SGMS1: variants seen among roughly 807,000 people sequenced by gnomAD.
SGMS1 encodes the protein sphingomyelin synthase 1.
SGMS1 carries 13 observed loss-of-function variants against 46.2 expected under a neutral mutation model. The ratio of observed to expected loss-of-function variants is 0.28; its 90% CI spans 0.18 to 0.45. SGMS1 has a LOEUF of 0.45. SGMS1 is among the 20% of genes least tolerant of loss of function. SGMS1 has a pLI of 1.00. For missense variants in SGMS1, 324 were observed against 519.9 expected (o/e 0.62, Z 3.66); for synonymous variants, 203 against 187.8 (o/e 1.08, Z -0.66).
rs765783141 is a variant in SGMS1, at chr10:50,343,478, T to G, written c.623+14A>C. The G allele has an allele frequency of 6.4e-7, 1 of 1,573,202 alleles. No homozygotes were observed. Among genetic ancestry groups the G allele is most frequent in the Non-Finnish European group, 8.6e-7 (1 of 1,162,944 alleles). On this transcript the variant is annotated intron_variant, in intron 7 of 10. Transcript: ENST00000361781. ...CCCATAATCATTGAATCTTAGAGCTTTTACTTGACTTACTTGTATTTTAAG... is the reference window on the plus strand; with the variant it reads ...CCCATAATCATTGAATCTTAGAGCTGTTACTTGACTTACTTGTATTTTAAG...
At chr10:50,418,135 G>A (rs531750465) in intron 6 of SGMS1, 2 of 152,282 alleles carry the variant, frequency 1.3e-5, no homozygotes, top group South Asian at 2.1e-4. Flanking sequence ...GGCTCCTCGC[G>A]CTCAGGGTGC....
At position 50,372,104 on chromosome 10, in the gene SGMS1, C is replaced by T. The variant is rs578035330; in HGVS notation, c.-231-27759G>A. Among the ~76,000 whole-genome samples the T allele has an allele frequency of 9.6e-4, 146 of 152,282 alleles. 1 individual carries two copies. Among genetic ancestry groups the T allele is most frequent in the Middle Eastern group, 6.8e-3 (2 of 294 alleles). The stretch of plus-strand genomic sequence containing the variant: ...ATCAAAGCTCCATAAGGGAAGGTCC[C>T]TTGGTTGTATTTTTCATTATTGTAT... On this transcript the variant is annotated intron_variant, in intron 6 of 10. Transcript: ENST00000361781.
intron 2 of SGMS1, among the ~76,000 whole-genome samples, chr10:50,558,516 C>G (rs1439013920): frequency 2.0e-5 from 3 of 152,168 alleles, no homozygotes; most frequent in Non-Finnish European, 4.4e-5. Flanking sequence ...GCATCCTTTC[C>G]TGATTAATGG....
intron 1 of SGMS1, among the ~76,000 whole-genome samples, chr10:50,591,323 T>C (rs1838538800): frequency 6.6e-6 from 1 of 152,086 alleles, no homozygotes; most frequent in Admixed American, 6.6e-5. Context: ...CTTGTCTCAC[T>C]ATACAGATCA....
intron 6 of SGMS1, among the ~76,000 whole-genome samples, chr10:50,377,168 C>G (rs569635463): frequency 1.3e-5 from 2 of 152,298 alleles, no homozygotes; most frequent in South Asian, 4.1e-4. Context: ...CAAGCTCAGG[C>G]AGCTACATCT....
intron 3 of SGMS1, among the ~76,000 whole-genome samples, chr10:50,501,635 G>A (rs1039083198): frequency 1.3e-5 from 2 of 152,146 alleles, no homozygotes; most frequent in African/African-American, 4.8e-5. Context: ...CACAAGGCAA[G>A]TAGTGAAGAA....
chr10:50,623,848 C>A lies in SGMS1; in HGVS notation c.-825G>T. On this transcript the variant is annotated 5_prime_UTR_variant, in exon 1 of 11. Transcript: ENST00000361781. ...TCCCTAGGCGCGAGGGGAGAGCAGT[C>A]AGCCCAGGCCGGTCCTTCTCACTCC... The A allele has an allele frequency of 4.1e-6, 4 of 985,420 alleles. No individual in the cohort carries two copies. Among genetic ancestry groups the A allele is most frequent in the Non-Finnish European group, 4.8e-6 (4 of 829,970 alleles). 61.0% of individuals were successfully genotyped at this position (985,420 alleles called of 1,614,324 possible). A position where few individuals can be genotyped will look rare whatever the true frequency, so the allele number is the denominator to read the frequency against.
intron 1 of SGMS1, among the ~76,000 whole-genome samples, chr10:50,619,251 A>G (rs1838825692): frequency 6.6e-6 from 1 of 152,226 alleles, no homozygotes; most frequent in Admixed American, 6.5e-5. Context: ...GGAGACACAT[A>G]AAAGACCAGC....
rs183526058 is a variant in SGMS1, at chr10:50,388,599, C to T, written c.-231-44254G>A. Among the ~76,000 whole-genome samples the T allele has an allele frequency of 4.4e-4, 67 of 151,564 alleles. No homozygotes were observed. The Middle Eastern group carries it at 0.014, about 31-fold the overall frequency. On this transcript the variant is annotated intron_variant, in intron 6 of 10. Coordinates refer to ENST00000361781, the MANE Select transcript of SGMS1 (RefSeq NM_147156.4). ...CTGCACTCCAGCCTGGGCGACAGAG[C>T]GAGACTGTCTCAAAAAGAAATAAAA...
chr10:50,481,649 G>C (rs997622548), intron 3 of SGMS1, among the ~76,000 whole-genome samples: 17 of 152,182 alleles, frequency 1.1e-4, no homozygotes, highest in African/African-American at 3.9e-4. Flanking sequence ...TCTCCAGCAA[G>C]GGCACAGAAC....
chr10:50,404,438 T>C (rs753164623), intron 6 of SGMS1, among the ~76,000 whole-genome samples: 3 of 151,786 alleles, frequency 2.0e-5, no homozygotes, highest in Non-Finnish European at 4.4e-5. Flanking sequence ...GAGACCCCCA[T>C]CTCTATAGAA....
rs1480307240 is a variant in SGMS1 at position 50,485,092 on chromosome 10, G to A, written c.-497-18160C>T. On this transcript the variant is annotated intron_variant, in intron 3 of 10. Coordinates refer to ENST00000361781, the MANE Select transcript of SGMS1 (RefSeq NM_147156.4). The stretch of plus-strand genomic sequence containing the variant: ...ATAAAGGGTATTCAAATTTTAAAAA[G>A]AGGAAGTCAAATTGTCTTTGTTTGC... 2.0e-5 allele frequency among the ~76,000 whole-genome samples: 3 copies of A among 152,206 alleles called. 1 individual carries two copies. The highest frequency in any genetic ancestry group is 2.0e-4 in the Admixed American group (3 of 15,280).
At chr10:50,498,522 T>C (rs1023750180) in intron 3 of SGMS1, among the ~76,000 whole-genome samples, 3 of 152,216 alleles carry the variant, frequency 2.0e-5, no homozygotes, top group Admixed American at 2.0e-4. Flanking sequence ...TCTGTCTTTA[T>C]GAATACACTA....
intron 3 of SGMS1, among the ~76,000 whole-genome samples, chr10:50,501,071 G>T (rs1406766241): frequency 6.6e-6 from 1 of 152,138 alleles, no homozygotes; most frequent in Admixed American, 6.5e-5. Flanking sequence ...GATTATGGGG[G>T]CCAGCCAGAA....
intron 5 of SGMS1, among the ~76,000 whole-genome samples, chr10:50,445,151 C>T (rs757465419): frequency 7.2e-5 from 11 of 152,092 alleles, no homozygotes; most frequent in Admixed American, 2.6e-4. Context: ...CAGGAATCTA[C>T]AAGATACCAC....
chr10:50,306,899 C>A lies in SGMS1; in HGVS notation c.*243G>T. ...CATGGTGGTTGCGGGTTATGTAAAT[C>A]CCAAACTTATGAACAGGAAATGTGT... On this transcript the variant is annotated 3_prime_UTR_variant, in exon 11 of 11. Transcript: ENST00000361781. 2.8e-6 allele frequency: 1 copy of A among 358,998 alleles called. No individual in the cohort carries two copies. The highest frequency in any genetic ancestry group is 1.2e-4 in the South Asian group (1 of 8,344). 22.2% of individuals were successfully genotyped at this position (358,998 alleles called of 1,614,324 possible). A position where few individuals can be genotyped will look rare whatever the true frequency, so the allele number is the denominator to read the frequency against.
intron 6 of SGMS1, among the ~76,000 whole-genome samples, chr10:50,424,868 C>T (rs981079369): frequency 6.1e-5 from 9 of 148,426 alleles, no homozygotes; most frequent in African/African-American, 1.5e-4. Context: ...GCCAAGATTG[C>T]GCCATTGCAC....
intron 7 of SGMS1, among the ~76,000 whole-genome samples, chr10:50,332,800 A>T (rs926506921): frequency 1.3e-5 from 2 of 150,856 alleles, no homozygotes; most frequent in South Asian, 2.1e-4. Flanking sequence ...TTTTTAAAAA[A>T]TTTTCTGTAA....
At chr10:50,425,861 T>C (rs968048864) in intron 6 of SGMS1, among the ~76,000 whole-genome samples, 6 of 152,240 alleles carry the variant, frequency 3.9e-5, no homozygotes, top group Admixed American at 3.3e-4. Flanking sequence ...AAGTTAAAAC[T>C]CTTTTTTTCC....
Sources: gnomAD v4.1 joint callset for allele counts (sites outside exome capture counted in the v4.1 genomes callset) on GRCh38, gnomAD v4.1.1 for gene constraint, MANE v1.5 for transcripts, NCBI Gene and HGNC (gene_info 2026-07-23, HGNC 2026-07-21) for gene names.